TRPM1: variants seen among roughly 807,000 people sequenced by gnomAD.
TRPM1 encodes the protein transient receptor potential cation channel subfamily M member 1, also known as TRPM1-203 APA Isoform, Intron 10.
A neutral mutation model predicts 149.4 loss-of-function variants in TRPM1; 113 were observed. The observed-to-expected ratio is 0.76, with a 90% CI of 0.65 to 0.88. The LOEUF (loss-of-function observed/expected upper bound fraction) is 0.88. Ranked by LOEUF, TRPM1 falls within the 40% of genes least tolerant of loss-of-function variation. TRPM1 has a pLI of 0.00. For synonymous variants in TRPM1, 741 were observed against 759.5 expected (o/e 0.98, Z 0.40); for missense variants, 1,976 against 2,038.7 (o/e 0.97, Z 0.59).
intron 1 of TRPM1, among the ~76,000 whole-genome samples, chr15:31,088,205 T>G (rs181140367): frequency 6.6e-6 from 1 of 152,116 alleles, no homozygotes; most frequent in African/African-American, 2.4e-5. Context: ...AACGGACCAA[T>G]CAGCACTCTT....
intron 1 of TRPM1, among the ~76,000 whole-genome samples, chr15:31,113,240 G>C (rs1567062166): frequency 6.6e-6 from 1 of 152,156 alleles, no homozygotes. Context: ...AAATCAACAA[G>C]AAAGGGAGGG....
intron 1 of TRPM1, among the ~76,000 whole-genome samples, chr15:31,096,783 C>T (rs1410370026): frequency 1.3e-5 from 2 of 152,218 alleles, no homozygotes; most frequent in African/African-American, 4.8e-5. Flanking sequence ...CCTCCTCTGG[C>T]AGTGCTCCCA....
Position 31,035,227 on chromosome 15 carries a change from T to G in TRPM1, c.2700+319A>C, listed in dbSNP as rs1991214. ...CCATGTTGGCCAGGCTGGTTTCGAA[T>G]TACTGCTATCTCAAGTGATCCTCAC... On this transcript the variant is annotated intron_variant, in intron 21 of 27. Transcript: ENST00000256552. Among the ~76,000 whole-genome samples, 81,135 of 152,100 alleles carry G rather than the reference T, an allele frequency of 0.53. 22,888 individuals are homozygous for G. Among genetic ancestry groups the G allele is most frequent in the East Asian group, 0.94 (4,877 of 5,172 alleles).
chr15:31,020,950 C>CTTTTATTA (rs1421353421), intron 27 of TRPM1, among the ~76,000 whole-genome samples: 2 of 152,046 alleles, frequency 1.3e-5, no homozygotes, highest in African/African-American at 4.8e-5. Context: ...GAAGCCACAC[C>CTTTTATTA]CTCCAGTACA....
rs566951131 is a variant in TRPM1, at chr15:31,093,742, C to G, written c.-84+7915G>C. 5.3e-5 allele frequency among the ~76,000 whole-genome samples: 8 copies of G among 152,108 alleles called. No homozygotes were observed. The South Asian group carries it at 1.7e-3, about 32-fold the overall frequency. On this transcript the variant is annotated intron_variant, in intron 1 of 27. Transcript: ENST00000256552. The stretch of plus-strand genomic sequence containing the variant: ...TCAGCCTCTGGAGTAGCTGGGACTA[C>G]AGACATGTGCCACTATGCCTGGCTA...
chr15:31,025,361 T>G (rs1290373583), intron 27 of TRPM1, among the ~76,000 whole-genome samples: 3 of 152,192 alleles, frequency 2.0e-5, no homozygotes, highest in Non-Finnish European at 4.4e-5. Context: ...GAAGGTCCAT[T>G]GCTCCTGTCT....
intron 1 of TRPM1, among the ~76,000 whole-genome samples, chr15:31,126,178 CAG>C (rs1013437714): frequency 5.1e-4 from 77 of 152,082 alleles, no homozygotes; most frequent in African/African-American, 1.7e-3. Context: ...ACAAAATAAA[CAG>C]AGTAAAAATT....
At chr15:31,046,128 G>T (rs548533308) in intron 16 of TRPM1, 76 bp downstream of exon 16, 2 of 1,462,358 alleles carry the variant, frequency 1.4e-6, no homozygotes, top group Non-Finnish European at 1.9e-6. Context: ...TCGTATATTC[G>T]CAAATACAGA....
chr15:31,049,443 G>C lies in TRPM1; in HGVS notation c.1504C>G (p.Leu502Val). The change falls in exon 13 of 28, where the codon CTG becomes GTG. Residue 502 changes from leucine to valine, a missense_variant. Around this residue, in one of 3 missense-constraint regions of TRPM1, gnomAD observed 1,332 missense variants for 1,347.1 expected, o/e 0.99. Coordinates refer to ENST00000256552, the MANE Select transcript of TRPM1 (RefSeq NM_001252024.2). ...TGCATGTTCACTCCGTTTTCAATCA[G>C]GAGCTTCACAAAGTCGACACGATCT... ...VLDRVDFVKL[L>V]IENGVNMQHF... is the part of the protein sequence containing the mutation. The C allele has an allele frequency of 2.5e-6, 4 of 1,614,156 alleles. No homozygotes were observed. The highest frequency in any genetic ancestry group is 3.4e-6 in the Non-Finnish European group (4 of 1,180,030).
At position 31,068,021 on chromosome 15, in the gene TRPM1, T is replaced by G; in HGVS notation, c.351A>C (p.Glu117Asp). 1 of 1,614,094 alleles carries G rather than the reference T, an allele frequency of 6.2e-7. No individual in the cohort carries two copies. Among genetic ancestry groups the G allele is most frequent in the South Asian group, 1.1e-5 (1 of 91,070 alleles). ...GCACAGATATTAAGAGCTTGGGGAG[T>G]TCCAGCTGCCAATCTTTCACCATGA... is the stretch of plus-strand genomic sequence containing the variant. ...LHLMVKDWQL[E>D]LPKLLISVHG... Residue 117 changes from glutamate (E) to aspartate (D), a missense_variant, in exon 5 of 28, where the codon GAA (glutamate) becomes GAC (aspartate). Physicochemically the swap from Glu to Asp is conservative, Grantham distance 45. Coordinates refer to ENST00000256552, the MANE Select transcript of TRPM1 (RefSeq NM_001252024.2).
chr15:31,036,969 G>A (rs761475535), intron 20 of TRPM1, among the ~76,000 whole-genome samples: 5 of 152,160 alleles, frequency 3.3e-5, no homozygotes, highest in Admixed American at 6.5e-5. Flanking sequence ...CCACAGCACC[G>A]AGGCCTGCCT....
rs757012195 is a variant in TRPM1 at position 31,040,385 on chromosome 15, G to A, written c.2088-39C>T. The A allele has an allele frequency of 2.5e-6, 4 of 1,571,210 alleles. No individual in the cohort carries two copies. The East Asian group carries it at 9.0e-5, about 35-fold the overall frequency. ...GAAGGGACCAGGGTGAAGCCACAGT[G>A]GCCGCAAGCTGTTTCTTAGACAGGC... On this transcript the variant is annotated intron_variant, in intron 17 of 27. Coordinates refer to ENST00000256552, the MANE Select transcript of TRPM1 (RefSeq NM_001252024.2). This position sits in a 1 kb window ranked among gnomAD's most constrained non-coding sequence, Gnocchi z 4.2.
rs141670103 is a variant in TRPM1, at chr15:31,098,549, C to T, written c.-84+3108G>A. Among the ~76,000 whole-genome samples the T allele has an allele frequency of 2.5e-3, 388 of 152,198 alleles. 1 individual carries two copies. Among genetic ancestry groups the T allele is most frequent in the African/African-American group, 9.1e-3 (378 of 41,536 alleles). ...CACTTGGCTCTTCTGTGGGGTTTTC[C>T]AACTTTATATATTCATGTAGTATGC... On this transcript the variant is annotated intron_variant, in intron 1 of 27. Coordinates refer to ENST00000256552, the MANE Select transcript of TRPM1 (RefSeq NM_001252024.2).
chr15:31,129,023 C>T (rs558800658), intron 1 of TRPM1, among the ~76,000 whole-genome samples: 18 of 152,206 alleles, frequency 1.2e-4, no homozygotes, highest in Non-Finnish European at 2.2e-4. Context: ...GCAGCCTCCT[C>T]GGGAGCTTGC....
At chr15:31,080,183 T>G (rs1311471720) in intron 2 of TRPM1, among the ~76,000 whole-genome samples, 2 of 152,192 alleles carry the variant, frequency 1.3e-5, no homozygotes, top group Non-Finnish European at 2.9e-5. Flanking sequence ...ACAATCACCA[T>G]TTGGCAACCA....
In TRPM1 at chr15:31,049,543, G is replaced by A. The variant is rs1030297164; in HGVS notation, c.1438-34C>T. 5 of 1,612,330 alleles carry A rather than the reference G, an allele frequency of 3.1e-6. No homozygotes were observed. The African/African-American group carries it at 5.3e-5, about 17-fold the overall frequency. On this transcript the variant is annotated intron_variant, in intron 12 of 27. Coordinates refer to ENST00000256552, the MANE Select transcript of TRPM1 (RefSeq NM_001252024.2). ...ACCAAGGGCCGGGAGCCTGTGAGTGGCCTCTCAGAGACACAGGGGAGGGGG... is the reference window on the plus strand; with the variant it reads ...ACCAAGGGCCGGGAGCCTGTGAGTGACCTCTCAGAGACACAGGGGAGGGGG...
At chr15:31,015,411 T>TAA (rs555343032) in intron 27 of TRPM1, among the ~76,000 whole-genome samples, 100 of 135,288 alleles carry the variant, frequency 7.4e-4, no homozygotes, top group African/African-American at 2.6e-3. Context: ...GACTCCGTCT[T>TAA]AAAAAAAAAA....
chr15:31,076,815 T>C, intron 3 of TRPM1, 90 bp downstream of exon 3: 1 of 1,047,814 alleles, frequency 9.5e-7, no homozygotes, highest in African/African-American at 1.6e-5. Context: ...GCCACCCTTC[T>C]GGACTCCTCT....
intron 1 of TRPM1, among the ~76,000 whole-genome samples, chr15:31,090,322 C>G (rs1466177645): frequency 6.6e-6 from 1 of 152,122 alleles, no homozygotes; most frequent in Non-Finnish European, 1.5e-5. Flanking sequence ...AGAAATGATT[C>G]CATGTGGTAT....
Sources: allele counts gnomAD v4.1 joint callset (sites outside exome capture counted in the v4.1 genomes callset), GRCh38; gene constraint gnomAD v4.1.1; regional missense constraint gnomAD v4.1.1; non-coding constraint Gnocchi (gnomAD v3.1); transcripts MANE v1.5; gene names NCBI Gene and HGNC (gene_info 2026-07-23, HGNC 2026-07-21).